The following UNC80 variants were observed in gnomAD, a reference collection of about 807,000 sequenced individuals.
The protein encoded by UNC80 is unc-80 subunit of NALCN channel complex, also known as protein unc-80 homolog.
In UNC80, 164 loss-of-function variants were observed where a neutral mutation model predicts 384.6. The observed-to-expected ratio is 0.43, with a 90% confidence interval of 0.38 to 0.49. The LOEUF is 0.49. Ranked by LOEUF, UNC80 falls within the 20% of genes least tolerant of loss-of-function variation. The pLI, the probability that UNC80 is intolerant of heterozygous loss-of-function variation, is 0.00. For synonymous variants in UNC80, 1,486 were observed against 1,527.8 expected (o/e 0.97, Z 0.64); for missense variants, 3,330 against 4,143.0 (o/e 0.80, Z 5.39).
At chr2:209,820,187 A>C in intron 12 of UNC80, 124 bp from the exon 13 acceptor site, 1 of 1,350,882 alleles carries the variant, frequency 7.4e-7, no homozygotes, top group Non-Finnish European at 9.6e-7. Context: ...ACAGTTGTCT[A>C]AATTATTTCT....
At chr2:209,982,668 T>C in intron 60 of UNC80, 1 of 164,906 alleles carries the variant, frequency 6.1e-6, no homozygotes, top group Non-Finnish European at 1.3e-5. Context: ...TCTTTATGTT[T>C]TTGGTAAAGT....
intron 62 of UNC80, 26 bp from the exon 63 acceptor site, chr2:209,993,289 A>G (rs1239714241): frequency 2.0e-6 from 3 of 1,536,310 alleles, no homozygotes; most frequent in Non-Finnish European, 2.6e-6. Context: ...CCCTCTTGCA[A>G]GTTTTATTCT....
intron 23 of UNC80, among the ~76,000 whole-genome samples, chr2:209,874,112 A>G (rs569757970): frequency 1.3e-5 from 2 of 152,256 alleles, no homozygotes; most frequent in African/African-American, 4.8e-5. Flanking sequence ...AGTTTCTCCT[A>G]TGTAATATCT....
rs1052401738 is a variant in UNC80, at chr2:209,824,738, G to A, written c.2332-1169G>A. Among the ~76,000 whole-genome samples, 64 of 152,100 alleles carry A rather than the reference G, an allele frequency of 4.2e-4. 1 individual carries two copies. Among genetic ancestry groups the A allele is most frequent in the Non-Finnish European group, 1.0e-4 (7 of 67,998 alleles). ...CAGATAAGAAAAGGGGGACCAACTC[G>A]ATAACATTAGGGGAGGAGAAAGTCA... On this transcript the variant is annotated intron_variant, in intron 13 of 64. Coordinates refer to ENST00000673920, the MANE Select transcript of UNC80 (RefSeq NM_001371986.1).
chr2:209,928,565 T>C (rs572879950), intron 36 of UNC80, among the ~76,000 whole-genome samples: 63 of 152,280 alleles, frequency 4.1e-4, no homozygotes, highest in African/African-American at 1.5e-3. Context: ...CACATAATAA[T>C]TGTACATATT....
chr2:209,905,301 T>C (rs1408163150), intron 29 of UNC80, among the ~76,000 whole-genome samples: 1 of 152,192 alleles, frequency 6.6e-6, no homozygotes, highest in East Asian at 1.9e-4. Context: ...TGTGAATATC[T>C]TCACATGGCA....
intron 51 of UNC80, among the ~76,000 whole-genome samples, chr2:209,960,431 C>T (rs1367929554): frequency 6.6e-6 from 1 of 152,196 alleles, no homozygotes; most frequent in African/African-American, 2.4e-5. Flanking sequence ...TTCCAGAGGA[C>T]CTTCTATTCA....
rs908243081 is a variant in UNC80, at chr2:209,976,697, C to T, written c.8773-216C>T. ...ACGTATGTTTTTCCTCCAAGACCCT[C>T]GGTACCCATCTACACTTGGTCTTTT... On this transcript the variant is annotated intron_variant, in intron 57 of 64. Coordinates refer to ENST00000673920, the MANE Select transcript of UNC80 (RefSeq NM_001371986.1). This position sits in a 1 kb window ranked among gnomAD's most constrained non-coding sequence, Gnocchi z 4.3. Among the ~76,000 whole-genome samples, 2 of 152,004 alleles carry T rather than the reference C, an allele frequency of 1.3e-5. No individual in the cohort carries two copies. The highest frequency in any genetic ancestry group is 4.8e-5 in the African/African-American group (2 of 41,350).
chr2:209,860,971 G>T (rs138805672), intron 22 of UNC80, among the ~76,000 whole-genome samples: 1 of 152,118 alleles, frequency 6.6e-6, no homozygotes, highest in Non-Finnish European at 1.5e-5. Flanking sequence ...TGTTTTCTAC[G>T]TATAAAATCA....
intron 13 of UNC80, among the ~76,000 whole-genome samples, chr2:209,824,874 A>G (rs1034995675): frequency 6.6e-6 from 1 of 152,178 alleles, no homozygotes; most frequent in African/African-American, 2.4e-5. Flanking sequence ...CGTCAACCCA[A>G]TCATGTGGCT....
intron 22 of UNC80, among the ~76,000 whole-genome samples, chr2:209,865,151 C>T (rs1574802293): frequency 6.6e-6 from 1 of 152,136 alleles, no homozygotes; most frequent in African/African-American, 2.4e-5. Flanking sequence ...TTTCTCTCCA[C>T]GGGTCACGGC....
Position 209,901,742 on chromosome 2 carries a change from C to T in UNC80, c.4582-3023C>T, listed in dbSNP as rs548493967. Among the ~76,000 whole-genome samples the T allele has an allele frequency of 1.8e-3, 279 of 152,030 alleles. 1 individual carries two copies. The highest frequency in any genetic ancestry group is 6.5e-3 in the African/African-American group (270 of 41,480). On this transcript the variant is annotated intron_variant, in intron 28 of 64. Coordinates refer to ENST00000673920, the MANE Select transcript of UNC80 (RefSeq NM_001371986.1). ...GAGATCAAGACCATCCTGGCTAACA[C>T]GGTGAAACCCCGTCTCTACTAAAAA...
At chr2:209,797,729 C>T (rs1217749814) in intron 7 of UNC80, among the ~76,000 whole-genome samples, 1 of 152,234 alleles carries the variant, frequency 6.6e-6, no homozygotes, top group East Asian at 1.9e-4. Context: ...TTTGAGGAAT[C>T]GACATGCTAT....
chr2:209,859,418 T>C (rs532580404), intron 22 of UNC80, among the ~76,000 whole-genome samples: 1 of 152,364 alleles, frequency 6.6e-6, no homozygotes, highest in Admixed American at 6.5e-5. Context: ...CACCTTTTCT[T>C]TATCAAGTCT....
intron 15 of UNC80, among the ~76,000 whole-genome samples, chr2:209,830,641 C>T (rs2080887556): frequency 6.6e-6 from 1 of 152,176 alleles, no homozygotes; most frequent in Admixed American, 6.5e-5. Context: ...AATATTGGAG[C>T]TGCCCATGCC....
intron 18 of UNC80, among the ~76,000 whole-genome samples, chr2:209,835,572 C>T (rs981060050): frequency 6.6e-6 from 1 of 152,126 alleles, no homozygotes; most frequent in African/African-American, 2.4e-5. Flanking sequence ...ATTAGTGCCC[C>T]CAGAAAATAT....
In UNC80 at chr2:209,995,755, T is replaced by A. The variant is rs773337477; in HGVS notation, c.*160T>A. ...TAGGTTTTGCTGCCAATACACATGA[T>A]GTTTCATAAACATCTTAAAAGTCAA... On this transcript the variant is annotated 3_prime_UTR_variant, in exon 65 of 65. Transcript: ENST00000673920. The A allele has an allele frequency of 1.8e-5, 14 of 799,944 alleles. 1 individual carries two copies. Among genetic ancestry groups the A allele is most frequent in the Non-Finnish European group, 2.5e-5 (13 of 520,640 alleles). 49.6% of individuals were successfully genotyped at this position (799,944 alleles called of 1,614,324 possible).
At chr2:209,884,651 T>C (rs1291913987) in intron 25 of UNC80, among the ~76,000 whole-genome samples, 2 of 152,128 alleles carry the variant, frequency 1.3e-5, no homozygotes, top group Non-Finnish European at 2.9e-5. Context: ...TCAACCCAAA[T>C]ACCCATCAAT....
chr2:209,850,132 T>G (rs970911875), intron 22 of UNC80, among the ~76,000 whole-genome samples: 3 of 152,070 alleles, frequency 2.0e-5, no homozygotes, highest in African/African-American at 4.8e-5. Context: ...GCAAGATCAA[T>G]TGAAATGAAT....
Sources: gnomAD v4.1 joint callset for allele counts (sites outside exome capture counted in the v4.1 genomes callset) on GRCh38, gnomAD v4.1.1 for gene constraint, Gnocchi (gnomAD v3.1) non-coding constraint, MANE v1.5 for transcripts, NCBI Gene and HGNC (gene_info 2026-07-23, HGNC 2026-07-21) for gene names.